The following USP44 variants were observed in gnomAD, a reference collection of about 807,000 sequenced individuals.
USP44 encodes the protein ubiquitin carboxyl-terminal hydrolase 44.
A neutral mutation model predicts 69.0 loss-of-function variants in USP44; 61 were observed. The observed-to-expected ratio is 0.88, with a 90% confidence interval of 0.72 to 1.09. USP44 has a LOEUF of 1.09. Among genes scored for constraint, USP44 ranks in the 50% least tolerant of loss-of-function variants. The pLI is 0.00. For synonymous variants in USP44, 297 were observed against 295.4 expected, an observed-to-expected ratio of 1.01 and a Z score of -0.06; for missense variants, 753 against 849.9, an observed-to-expected ratio of 0.89 and a Z score of 1.42.
intron 1 of USP44, among the ~76,000 whole-genome samples, chr12:95,546,261 A>T (rs983270469): frequency 2.0e-5 from 3 of 152,246 alleles, no homozygotes; most frequent in African/African-American, 7.2e-5. Flanking sequence ...TGTGTGTAAA[A>T]TGCCTAGACT....
intron 4 of USP44, chr12:95,522,191 C>G (rs1283852517): frequency 1.3e-6 from 1 of 772,500 alleles, no homozygotes; most frequent in Non-Finnish European, 1.6e-6. Flanking sequence ...GGTAGAGAGA[C>G]AAGGCAGACA....
intron 4 of USP44, 177 bp downstream of exon 4, chr12:95,524,503 A>G: frequency 2.1e-6 from 1 of 485,022 alleles, no homozygotes; most frequent in South Asian, 3.1e-5. Context: ...TCTCTAAATA[A>G]ATAAACAAAT....
rs566830004 is a variant in USP44 at position 95,516,895 on chromosome 12, AAAG to A, written c.*1256_*1258del. 30 of 152,284 alleles carry A rather than the reference AAAG, an allele frequency of 2.0e-4. No individual in the cohort carries two copies. Among genetic ancestry groups the A allele is most frequent in the African/African-American group, 6.7e-4 (28 of 41,550 alleles). 9.4% of individuals were successfully genotyped at this position (152,284 alleles called of 1,614,324 possible). On this transcript the variant is annotated 3_prime_UTR_variant, in exon 6 of 6. Transcript: ENST00000258499. The stretch of plus-strand genomic sequence containing the variant: ...ACCTGCAAATAAACCCACTTATAAA[AAAG>A]GGATACATGATCTTCCTGTGGTTAA...
intron 1 of USP44, among the ~76,000 whole-genome samples, chr12:95,542,171 A>G: frequency 6.6e-6 from 1 of 152,130 alleles, no homozygotes; most frequent in African/African-American, 2.4e-5. Flanking sequence ...ATGAGACACT[A>G]TGCCCAGCCT....
At chr12:95,538,906 A>G (rs1019297082) in intron 1 of USP44, among the ~76,000 whole-genome samples, 1 of 152,212 alleles carries the variant, frequency 6.6e-6, no homozygotes, top group South Asian at 2.1e-4. Context: ...TTGCTAATCC[A>G]CCGCTGTGAA....
chr12:95,520,763 G>C (rs1402800564), intron 5 of USP44, among the ~76,000 whole-genome samples: 1 of 152,124 alleles, frequency 6.6e-6, no homozygotes, highest in African/African-American at 2.4e-5. Context: ...TTAGCAACAA[G>C]ACTATCCTCA....
intron 1 of USP44, among the ~76,000 whole-genome samples, chr12:95,539,133 A>G (rs1324030269): frequency 6.6e-6 from 1 of 152,244 alleles, no homozygotes; most frequent in Admixed American, 6.5e-5. Flanking sequence ...CATGCATTTA[A>G]AAAATGTTTC....
At chr12:95,537,360 C>T (rs1322657359) in intron 1 of USP44, among the ~76,000 whole-genome samples, 6 of 151,958 alleles carry the variant, frequency 3.9e-5, no homozygotes, top group Admixed American at 3.9e-4. Context: ...ACTCTGTCGC[C>T]CAGGCTGGAG....
At chr12:95,528,451 T>C (rs2076920480) in intron 3 of USP44, among the ~76,000 whole-genome samples, 1 of 152,238 alleles carries the variant, frequency 6.6e-6, no homozygotes, top group South Asian at 2.1e-4. Context: ...ATCACTTTGA[T>C]ATGTAGCCAA....
At chr12:95,551,228 C>G (rs2077717169) in intron 1 of USP44, 44 bp downstream of exon 1, 1 of 151,992 alleles carries the variant, frequency 6.6e-6, no homozygotes, top group African/African-American at 2.4e-5. Flanking sequence ...AAGAAAAAAG[C>G]CTCCTTCCCT....
Position 95,528,886 on chromosome 12 carries a change from A to T in USP44, c.1545T>A (p.Cys515Ter), listed in dbSNP as rs1252969777. Residue 515 changes from cysteine (C) to a stop codon, truncating the protein, a stop_gained, in exon 3 of 6, where the codon TGT becomes TGA. Coordinates refer to ENST00000258499, the MANE Select transcript of USP44 (RefSeq NM_032147.5). LOFTEE classifies it high-confidence loss of function. Reference sequence around the variant, plus strand: ...ATTTGGCCAACATTTCAGTAACCAGACATGGCTGGGAAGCAATATCTTTTC... The same window carrying T: ...ATTTGGCCAACATTTCAGTAACCAGTCATGGCTGGGAAGCAATATCTTTTC... ...CSGKDIASQP[C>*]LVTEMLAKFT... The T allele has an allele frequency of 6.2e-7, 1 of 1,614,082 alleles. No homozygotes were observed. The highest frequency in any genetic ancestry group is 8.5e-7 in the Non-Finnish European group (1 of 1,180,006).
rs1313654727 is a variant in USP44, at chr12:95,528,977, T to A, written c.1454A>T (p.Lys485Ile). 6.2e-7 allele frequency: 1 copy of A among 1,612,776 alleles called. No homozygotes were observed. Among genetic ancestry groups the A allele is most frequent in the Non-Finnish European group, 8.5e-7 (1 of 1,179,562 alleles). The change falls in exon 3 of 6, where the codon AAA becomes ATA. Residue 485 changes from lysine (K) to isoleucine (I), a missense_variant. By Grantham distance (102) the Lys-to-Ile change is moderately radical. Coordinates refer to ENST00000258499, the MANE Select transcript of USP44 (RefSeq NM_032147.5). ...CCAGAAAGGTTCTATGGTATTTGAT[T>A]TGTTGTCACATGCAAGACATGTAAC... ...SQVTCLACDN[K>I]SNTIEPFWDL...
At chr12:95,550,133 C>A (rs1165001876) in intron 1 of USP44, among the ~76,000 whole-genome samples, 1 of 147,154 alleles carries the variant, frequency 6.8e-6, no homozygotes, top group Non-Finnish European at 1.5e-5. Flanking sequence ...GAGCCTAGAT[C>A]CACAATTGCA....
In USP44 at chr12:95,516,570, C is replaced by T. The variant is rs2076476185; in HGVS notation, c.*1584G>A. The T allele has an allele frequency of 6.6e-6, 1 of 151,972 alleles. No individual in the cohort carries two copies. The highest frequency in any genetic ancestry group is 2.4e-5 in the African/African-American group (1 of 41,368). 9.4% of individuals were successfully genotyped at this position (151,972 alleles called of 1,614,324 possible). On this transcript the variant is annotated 3_prime_UTR_variant, in exon 6 of 6. Coordinates refer to ENST00000258499, the MANE Select transcript of USP44 (RefSeq NM_032147.5). ...AAGAGTAGACTCTGGTTATCTTGAC[C>T]ATGTAAATTTTTAATGAGGTATTAA...
Position 95,548,087 on chromosome 12 carries a change from G to A in USP44, c.-71+3185C>T, listed in dbSNP as rs1021562700. 6.6e-6 allele frequency: 1 copy of A among 152,182 alleles called. No individual in the cohort carries two copies. The highest frequency in any genetic ancestry group is 6.5e-5 in the Admixed American group (1 of 15,280). 9.4% of individuals were successfully genotyped at this position (152,182 alleles called of 1,614,324 possible). A position where few individuals can be genotyped will look rare whatever the true frequency, so the allele number is the denominator to read the frequency against. The stretch of plus-strand genomic sequence containing the variant: ...CCATATGGCATTCTTTCCCATCGAA[G>A]GCCATCGGGAATGGCTTTAGGAAGC... On this transcript the variant is annotated intron_variant, in intron 1 of 5. Coordinates refer to ENST00000258499, the MANE Select transcript of USP44 (RefSeq NM_032147.5). The surrounding 1 kb of genome is among the most constrained non-coding windows in gnomAD (Gnocchi z 4.1).
intron 2 of USP44, among the ~76,000 whole-genome samples, chr12:95,530,473 T>C (rs2076982466): frequency 6.6e-6 from 1 of 151,398 alleles, no homozygotes; most frequent in Admixed American, 6.6e-5. Flanking sequence ...AAATAAAAAA[T>C]AGAAAGGAAA....
At chr12:95,518,523 T>C (rs922727319) in intron 5 of USP44, among the ~76,000 whole-genome samples, 170 bp from the exon 6 acceptor site, 1 of 152,256 alleles carries the variant, frequency 6.6e-6, no homozygotes, top group Admixed American at 6.5e-5. Context: ...TCTACCTTTA[T>C]TCTAAAAGTA....
intron 4 of USP44, among the ~76,000 whole-genome samples, chr12:95,523,033 C>T (rs578255843): frequency 4.6e-5 from 7 of 152,188 alleles, no homozygotes; most frequent in Admixed American, 1.3e-4. Flanking sequence ...CTGGAGCTTC[C>T]GGATAGCTAA....
rs1420140424 is a variant in USP44 at position 95,517,280 on chromosome 12, ACT to A, written c.*872_*873del. The A allele has an allele frequency of 1.3e-5, 2 of 151,554 alleles. No homozygotes were observed. Among genetic ancestry groups the A allele is most frequent in the Non-Finnish European group, 2.9e-5 (2 of 67,878 alleles). The allele number at this position is 151,554 out of a possible 1,614,324, so 9.4% of individuals were successfully genotyped here. On this transcript the variant is annotated 3_prime_UTR_variant, in exon 6 of 6. Transcript: ENST00000258499. ...TGCCCTATAATTTTTTCTCTTCAAG[ACT>A]CTATTCCTTTGAACTAAAAAAAATA...
Sources: gnomAD v4.1 joint callset for allele counts (sites outside exome capture counted in the v4.1 genomes callset) on GRCh38, gnomAD v4.1.1 for gene constraint, Gnocchi (gnomAD v3.1) non-coding constraint, MANE v1.5 for transcripts, NCBI Gene and HGNC (gene_info 2026-07-23, HGNC 2026-07-21) for gene names.